The following DLG2 variants were observed in gnomAD, a reference collection of about 807,000 sequenced individuals.
DLG2 encodes the protein discs large MAGUK scaffold protein 2, also known as disks large homolog 2.
DLG2 carries 45 observed loss-of-function variants against 132.5 expected under a neutral mutation model. The observed-to-expected ratio is 0.34, with a 90% CI of 0.27 to 0.44. DLG2 has a LOEUF of 0.44. DLG2 is among the 20% of genes least tolerant of loss of function. The pLI, the probability that DLG2 is intolerant of heterozygous loss-of-function variation, is 1.00. For synonymous variants in DLG2, 424 were observed against 419.6 expected, an observed-to-expected ratio of 1.01 and a Z score of -0.13; for missense variants, 1,045 against 1,196.9, an observed-to-expected ratio of 0.87 and a Z score of 1.87.
At chr11:84,665,885 G>A (rs1356277593) in intron 6 of DLG2, among the ~76,000 whole-genome samples, 2 of 152,130 alleles carry the variant, frequency 1.3e-5, no homozygotes, top group Non-Finnish European at 2.9e-5. Context: ...CCAAGTAAAA[G>A]AAGATGTGGG....
intron 17 of DLG2, among the ~76,000 whole-genome samples, chr11:83,831,814 T>C (rs2054608182): frequency 6.6e-6 from 1 of 152,040 alleles, no homozygotes; most frequent in African/African-American, 2.4e-5. Context: ...GCAGGAACAC[T>C]CACAATGGAT....
At chr11:85,225,750 G>T (rs2074937395) in intron 4 of DLG2, among the ~76,000 whole-genome samples, 1 of 152,164 alleles carries the variant, frequency 6.6e-6, no homozygotes, top group Admixed American at 6.6e-5. Context: ...CACTCCAGAG[G>T]TAGTCTCAAA....
At chr11:83,906,079 CTCTATATATATATA>C (rs1362459094) in intron 15 of DLG2, among the ~76,000 whole-genome samples, 2 of 94,226 alleles carry the variant, frequency 2.1e-5, no homozygotes, top group East Asian at 3.4e-4. Context: ...CTCTCTCTCT[CTCTATATATATATA>C]TATATATATA....
chr11:84,112,197 G>A (rs992343747), intron 9 of DLG2, among the ~76,000 whole-genome samples: 7 of 151,066 alleles, frequency 4.6e-5, no homozygotes, highest in African/African-American at 7.3e-5. Flanking sequence ...ACGGGGTTTC[G>A]CCGTGTTAGC....
chr11:84,640,156 G>A (rs955077836), intron 6 of DLG2: 6 of 272,956 alleles, frequency 2.2e-5, no homozygotes, highest in South Asian at 8.3e-5. Context: ...AAGAGGCTCC[G>A]GTTGACAAAT....
At chr11:83,520,832 A>G (rs1184415909) in intron 21 of DLG2, among the ~76,000 whole-genome samples, 1 of 152,124 alleles carries the variant, frequency 6.6e-6, no homozygotes, top group Non-Finnish European at 1.5e-5. Flanking sequence ...TCGCATCTTA[A>G]TGAGGTAAGT....
At chr11:85,466,516 C>G (rs548816571) in intron 3 of DLG2, among the ~76,000 whole-genome samples, 12 of 152,132 alleles carry the variant, frequency 7.9e-5, no homozygotes, top group Non-Finnish European at 1.6e-4. Flanking sequence ...CCAGTTTCAG[C>G]TTTCTACATA....
chr11:83,494,524 G>A (rs1296121837), intron 21 of DLG2, among the ~76,000 whole-genome samples: 3 of 151,116 alleles, frequency 2.0e-5, no homozygotes, highest in African/African-American at 7.3e-5. Flanking sequence ...CCATGTTTAT[G>A]GCTGTTTTTT....
At chr11:85,266,285 G>A (rs1374310025) in intron 4 of DLG2, among the ~76,000 whole-genome samples, 2 of 152,252 alleles carry the variant, frequency 1.3e-5, no homozygotes, top group Non-Finnish European at 2.9e-5. Flanking sequence ...GTGGATCATG[G>A]TGGGCCTAAG....
chr11:83,775,723 T>TTA (rs2094554706), intron 18 of DLG2, among the ~76,000 whole-genome samples: 1 of 146,962 alleles, frequency 6.8e-6, no homozygotes, highest in African/African-American at 2.4e-5. Context: ...TCATTATTCT[T>TTA]TTTTTTTTTT....
At chr11:84,480,023 T>C (rs972159699) in intron 7 of DLG2, among the ~76,000 whole-genome samples, 1 of 152,148 alleles carries the variant, frequency 6.6e-6, no homozygotes, top group Admixed American at 6.6e-5. Context: ...CTTAAATATG[T>C]ATATTTCATA....
intron 3 of DLG2, among the ~76,000 whole-genome samples, chr11:85,437,716 T>A (rs1431649393): frequency 6.6e-6 from 1 of 152,216 alleles, no homozygotes; most frequent in African/African-American, 2.4e-5. Context: ...CCAAAATTTT[T>A]AATTTTTTTC....
intron 7 of DLG2, among the ~76,000 whole-genome samples, chr11:84,290,114 A>C (rs753385988): frequency 6.6e-6 from 1 of 152,116 alleles, no homozygotes; most frequent in African/African-American, 2.4e-5. Context: ...TTAGATGTCA[A>C]CTCAGATCAT....
intron 6 of DLG2, among the ~76,000 whole-genome samples, chr11:84,886,050 T>A (rs576403888): frequency 5.9e-4 from 90 of 152,158 alleles, no homozygotes; most frequent in African/African-American, 2.1e-3. Flanking sequence ...TACAATCTCA[T>A]GAGGGAGATA....
intron 6 of DLG2, chr11:84,887,550 C>A (rs1276788201): frequency 6.6e-6 from 1 of 152,074 alleles, no homozygotes; most frequent in South Asian, 2.1e-4. Context: ...TGTCAGTTTC[C>A]ACTGGTGACA....
At chr11:85,466,392 A>G (rs1370674810) in intron 3 of DLG2, among the ~76,000 whole-genome samples, 1 of 152,122 alleles carries the variant, frequency 6.6e-6, no homozygotes, top group Non-Finnish European at 1.5e-5. Flanking sequence ...GCCCATGCCT[A>G]TGTCCTGAAT....
chr11:85,208,776 G>A (rs966607496), intron 4 of DLG2, among the ~76,000 whole-genome samples: 4 of 152,106 alleles, frequency 2.6e-5, no homozygotes, highest in Admixed American at 6.6e-5. Flanking sequence ...GGAGTCCTTA[G>A]TAAGAGGTGA....
At chr11:84,034,082 AAAAT>A (rs1413922400) in intron 11 of DLG2, among the ~76,000 whole-genome samples, 2 of 151,932 alleles carry the variant, frequency 1.3e-5, no homozygotes, top group Non-Finnish European at 1.5e-5. Context: ...ACTCGGTCTC[AAAAT>A]AAATAAATAA....
chr11:84,458,438 C>A lies in DLG2; in HGVS notation c.519+76132G>T, dbSNP rs533604672. ...TTGTCACCTGGAATATTGTCATATT[C>A]TTTTCCTAATCTTTGCCAAATTGAT... On this transcript the variant is annotated intron_variant, in intron 7 of 27. Transcript: ENST00000376104. 1.0e-3 allele frequency among the ~76,000 whole-genome samples: 155 copies of A among 150,894 alleles called. 2 individuals carry two copies. Among genetic ancestry groups the A allele is most frequent in the African/African-American group, 3.7e-3 (153 of 41,392 alleles).
Sources: allele counts gnomAD v4.1 joint callset (sites outside exome capture counted in the v4.1 genomes callset), GRCh38; gene constraint gnomAD v4.1.1; transcripts MANE v1.5; gene names NCBI Gene and HGNC (gene_info 2026-07-23, HGNC 2026-07-21).